EPHA7: variants seen among roughly 807,000 people sequenced by gnomAD.
EPHA7 encodes ephrin type-A receptor 7.
In EPHA7, 25 loss-of-function variants were observed where a neutral mutation model predicts 112.6. That is an observed-to-expected ratio of 0.22 (90% CI 0.16 to 0.31). The LOEUF (loss-of-function observed/expected upper bound fraction) is 0.31. EPHA7 is among the 10% of genes least tolerant of loss of function. The pLI, the probability that EPHA7 is intolerant of heterozygous loss-of-function variation, is 1.00. For missense variants in EPHA7, 962 were observed against 1,212.6 expected, an observed-to-expected ratio of 0.79 and a Z score of 3.07; for synonymous variants, 437 against 406.5, an observed-to-expected ratio of 1.07 and a Z score of -0.90.
intron 14 of EPHA7, among the ~76,000 whole-genome samples, chr6:93,251,739 T>A (rs562160327): frequency 6.6e-6 from 1 of 152,106 alleles, no homozygotes; most frequent in South Asian, 2.1e-4. Flanking sequence ...ACCAAAAGGA[T>A]ATTTTCAATT....
intron 3 of EPHA7, among the ~76,000 whole-genome samples, chr6:93,374,134 T>A (rs904611249): frequency 6.6e-6 from 1 of 152,096 alleles, no homozygotes; most frequent in Non-Finnish European, 1.5e-5. Flanking sequence ...CTAGAGATAG[T>A]TCTATGAAGG....
At chr6:93,254,053 C>T (rs1346226199) in intron 14 of EPHA7, among the ~76,000 whole-genome samples, 1 of 151,846 alleles carries the variant, frequency 6.6e-6, no homozygotes, top group African/African-American at 2.4e-5. Context: ...TTTAGCATGT[C>T]CTCATGGCAA....
Position 93,335,629 on chromosome 6 carries a change from C to T in EPHA7, c.1324+21088G>A, listed in dbSNP as rs752651414. 3.3e-5 allele frequency among the ~76,000 whole-genome samples: 5 copies of T among 151,912 alleles called. No homozygotes were observed. In the South Asian group the frequency reaches 6.2e-4, roughly 19 times the overall value. ...ATAACCTGTTAGACCCATAACTTAA[C>T]CAGTAATAATCATCCACAGTTTTCA... On this transcript the variant is annotated intron_variant, in intron 5 of 16. Transcript: ENST00000369303.
intron 1 of EPHA7, among the ~76,000 whole-genome samples, chr6:93,416,036 G>T (rs1163982915): frequency 6.6e-6 from 1 of 151,750 alleles, no homozygotes; most frequent in Non-Finnish European, 1.5e-5. Context: ...TTTTGTTGTT[G>T]TTGTTGTTTC....
At chr6:93,356,465 AATGCTGGG>A (rs1281950136) in intron 5 of EPHA7, among the ~76,000 whole-genome samples, 2 of 152,006 alleles carry the variant, frequency 1.3e-5, no homozygotes, top group African/African-American at 4.8e-5. Context: ...GGCCTCCCAA[AATGCTGGG>A]ATTACAGGTG....
chr6:93,361,781 T>A (rs1776273700), intron 3 of EPHA7, among the ~76,000 whole-genome samples: 2 of 152,126 alleles, frequency 1.3e-5, no homozygotes, highest in Non-Finnish European at 2.9e-5. Flanking sequence ...TTCCTCTGCT[T>A]TATTTCTCAA....
At chr6:93,250,124 T>C (rs1337300064) in intron 14 of EPHA7, among the ~76,000 whole-genome samples, 1 of 152,110 alleles carries the variant, frequency 6.6e-6, no homozygotes, top group Non-Finnish European at 1.5e-5. Context: ...ATTGGGACTT[T>C]AATAATCTCA....
At chr6:93,293,757 A>G (rs143317336) in intron 5 of EPHA7, among the ~76,000 whole-genome samples, 3 of 152,292 alleles carry the variant, frequency 2.0e-5, no homozygotes, top group African/African-American at 7.2e-5. Flanking sequence ...AAAGCTTTCA[A>G]TTTCCTTGGA....
At chr6:93,412,638 G>A (rs1332390658) in intron 2 of EPHA7, among the ~76,000 whole-genome samples, 1 of 152,024 alleles carries the variant, frequency 6.6e-6, no homozygotes, top group East Asian at 1.9e-4. Flanking sequence ...CCTACAATCT[G>A]AATGGCAATC....
intron 7 of EPHA7, among the ~76,000 whole-genome samples, chr6:93,269,076 T>C (rs1328618356): frequency 1.3e-5 from 2 of 151,714 alleles, no homozygotes; most frequent in African/African-American, 4.8e-5. Flanking sequence ...CTTTCTCTTG[T>C]CCACCTCACT....
chr6:93,272,750 A>G (rs1207778163), intron 5 of EPHA7, among the ~76,000 whole-genome samples: 2 of 152,012 alleles, frequency 1.3e-5, no homozygotes, highest in Non-Finnish European at 1.5e-5. Flanking sequence ...ATTAATCTCC[A>G]GTGATAAACT....
In EPHA7 at chr6:93,311,641, C is replaced by T. The variant is rs531942350; in HGVS notation, c.1325-39219G>A. The stretch of plus-strand genomic sequence containing the variant: ...GGTTGGAATCAACTTCTCCTAACTC[C>T]TATTGATGTTGAAAATTTGACCTCC... On this transcript the variant is annotated intron_variant, in intron 5 of 16. Coordinates refer to ENST00000369303, the MANE Select transcript of EPHA7 (RefSeq NM_004440.4). 3.4e-4 allele frequency among the ~76,000 whole-genome samples: 52 copies of T among 152,238 alleles called. 1 individual carries two copies. The highest frequency in any genetic ancestry group is 1.2e-3 in the African/African-American group (51 of 41,520).
intron 5 of EPHA7, among the ~76,000 whole-genome samples, chr6:93,282,993 A>C (rs9345343): frequency 0.45 from 68,007 of 152,056 alleles, 16,050 homozygotes; most frequent in South Asian, 0.7. Context: ...GGAGTGCAGG[A>C]GCAGGGCGCG....
intron 5 of EPHA7, among the ~76,000 whole-genome samples, chr6:93,327,598 T>C (rs951870252): frequency 5.3e-5 from 8 of 151,536 alleles, no homozygotes; most frequent in African/African-American, 1.9e-4. Flanking sequence ...AGTTATTTCA[T>C]CTTTTCAAAA....
intron 5 of EPHA7, among the ~76,000 whole-genome samples, chr6:93,334,418 C>T (rs1448717182): frequency 1.3e-5 from 2 of 151,868 alleles, no homozygotes; most frequent in African/African-American, 2.4e-5. Flanking sequence ...AGAGCCTGTG[C>T]ACAGCAAAAG....
intron 5 of EPHA7, among the ~76,000 whole-genome samples, chr6:93,282,524 C>T (rs545482225): frequency 6.6e-6 from 1 of 152,248 alleles, no homozygotes; most frequent in Non-Finnish European, 1.5e-5. Context: ...GGCGCCTCCT[C>T]GGCCTTGGCG....
At chr6:93,361,014 ATTAC>A (rs1776234572) in intron 3 of EPHA7, among the ~76,000 whole-genome samples, 1 of 152,092 alleles carries the variant, frequency 6.6e-6, no homozygotes, top group African/African-American at 2.4e-5. Context: ...ATTGAAAGCT[ATTAC>A]TTTAACTTAG....
chr6:93,247,780 A>G (rs1464203756), intron 14 of EPHA7, among the ~76,000 whole-genome samples: 1 of 152,174 alleles, frequency 6.6e-6, no homozygotes, highest in Non-Finnish European at 1.5e-5. Flanking sequence ...CCACTGCCTA[A>G]TAGGCATATC....
chr6:93,248,793 GGCCTCACATCCTGATCCTCCT>G (rs1471800693), intron 14 of EPHA7, among the ~76,000 whole-genome samples: 2 of 151,968 alleles, frequency 1.3e-5, no homozygotes, highest in East Asian at 1.9e-4. Flanking sequence ...TGAACTCCAG[GGCCTCACATCCTGATCCTCCT>G]GCCTCACATC....
Sources: allele counts gnomAD v4.1 joint callset (sites outside exome capture counted in the v4.1 genomes callset), GRCh38; gene constraint gnomAD v4.1.1; transcripts MANE v1.5; gene names NCBI Gene and HGNC (gene_info 2026-07-23, HGNC 2026-07-21).